The following TBCD variants were observed in gnomAD, a reference collection of about 807,000 sequenced individuals.
TBCD encodes the protein tubulin folding cofactor D.
Under a neutral mutation model 169.3 loss-of-function variants are expected in TBCD, and 105 were observed. The ratio of observed to expected loss-of-function variants is 0.62; its 90% CI spans 0.53 to 0.73. The LOEUF is 0.73. TBCD is among the 30% of genes least tolerant of loss of function. The probability of loss-of-function intolerance (pLI) is 0.00; values close to 1 mark genes in which losing one functional copy is unlikely to be tolerated. For synonymous variants in TBCD, 700 were observed against 643.9 expected, an observed-to-expected ratio of 1.09 and a Z score of -1.32; for missense variants, 1,444 against 1,600.1, an observed-to-expected ratio of 0.90 and a Z score of 1.66.
chr17:82,770,185 C>T (rs141717005), intron 5 of TBCD, among the ~76,000 whole-genome samples: 37 of 152,290 alleles, frequency 2.4e-4, no homozygotes, highest in African/African-American at 7.7e-4. Context: ...TAGTGTCTTA[C>T]GATGTCAGAA....
chr17:82,813,920 C>G (rs2051656228), intron 12 of TBCD, among the ~76,000 whole-genome samples: 2 of 152,182 alleles, frequency 1.3e-5, no homozygotes, highest in South Asian at 2.1e-4. Context: ...ACTGGGCGGA[C>G]AGGCACTCTC....
intron 13 of TBCD, among the ~76,000 whole-genome samples, chr17:82,815,302 G>A (rs752501662): frequency 2.6e-4 from 40 of 152,322 alleles, no homozygotes; most frequent in Admixed American, 3.9e-4. Context: ...CCCCAAAACC[G>A]GTTTTCATTC....
chr17:82,790,065 C>T (rs1489480579), intron 7 of TBCD, among the ~76,000 whole-genome samples: 1 of 152,178 alleles, frequency 6.6e-6, no homozygotes, highest in African/African-American at 2.4e-5. Context: ...GCGCCGCCAC[C>T]CTGTCCTGGG....
intron 30 of TBCD, among the ~76,000 whole-genome samples, chr17:82,928,845 A>G (rs574223221): frequency 6.2e-4 from 95 of 152,194 alleles, no homozygotes; most frequent in African/African-American, 2.0e-3. Flanking sequence ...GCACGCATGT[A>G]ACACGTAGCA....
chr17:82,830,575 G>A (rs1004024032), intron 13 of TBCD: 2 of 1,613,962 alleles, frequency 1.2e-6, no homozygotes, highest in Non-Finnish European at 1.7e-6. Flanking sequence ...CTGTGGAACA[G>A]CAGCAGCAGG....
rs1267195263 is a variant in TBCD, at chr17:82,781,640, CTG to C, written c.691_692del (p.Trp231GlufsTer31). Reference sequence around the variant, plus strand: ...AAAGCAAGATGGCTGAGTTCCTGGACTGGAGCCTGTGCAATCTGGCCCGTTCC... The same window carrying C: ...AAAGCAAGATGGCTGAGTTCCTGGACGAGCCTGTGCAATCTGGCCCGTTCC... Reference protein sequence around the residue: ...KQSKMAEFLDWSLCNLARSSF... With the variant: ...KQSKMAEFLDXSLCNLARSSF... On this transcript the variant is annotated frameshift_variant, in exon 7 of 39. Coordinates refer to ENST00000355528, the MANE Select transcript of TBCD (RefSeq NM_005993.5). LOFTEE classifies it high-confidence loss of function. 1 of 1,613,878 alleles carries C rather than the reference CTG, an allele frequency of 6.2e-7. No homozygotes were observed. Among genetic ancestry groups the C allele is most frequent in the Admixed American group, 1.7e-5 (1 of 60,014 alleles).
Position 82,923,733 on chromosome 17 carries a change from G to A in TBCD, c.2260G>A (p.Glu754Lys). 2 of 1,595,386 alleles carry A rather than the reference G, an allele frequency of 1.3e-6. No homozygotes were observed. Among genetic ancestry groups the A allele is most frequent in the Non-Finnish European group, 1.7e-6 (2 of 1,171,322 alleles). Reference protein sequence around the residue: ...EPGEADPAIQEELITQYLAEL... With the variant: ...EPGEADPAIQKELITQYLAEL... ...GGGGGAGGCAGATCCCGCAATTCAG[G>A]GTGAGTGGGGAGCCCTTTTCTTGAA... Residue 754 changes from glutamate to lysine, a missense_variant and splice_region_variant, in exon 26 of 39, where the codon GAG becomes AAG. By Grantham distance (56) the Glu-to-Lys change is moderately conservative. Coordinates refer to ENST00000355528, the MANE Select transcript of TBCD (RefSeq NM_005993.5). The surrounding 1 kb of genome is among the most constrained non-coding windows in gnomAD (Gnocchi z 4.6).
In TBCD at chr17:82,893,636, AGTCTTTAAT is replaced by A; in HGVS notation, c.1649+7_1649+15del. On this transcript the variant is annotated splice_donor_5th_base_variant and intron_variant, in intron 17 of 38. Coordinates refer to ENST00000355528, the MANE Select transcript of TBCD (RefSeq NM_005993.5). ...CCAACTGTTTCCTGGTTATAAGGTA[AGTCTTTAAT>A]GTATATCACAAAAATAGAATACTCT... The A allele has an allele frequency of 1.3e-6, 2 of 1,594,554 alleles. No individual in the cohort carries two copies. Among genetic ancestry groups the A allele is most frequent in the Non-Finnish European group, 1.7e-6 (2 of 1,168,052 alleles).
At chr17:82,885,246 T>C (rs1379030033) in intron 15 of TBCD, among the ~76,000 whole-genome samples, 1 of 152,066 alleles carries the variant, frequency 6.6e-6, no homozygotes, top group Non-Finnish European at 1.5e-5. Flanking sequence ...TGGTTTCCTG[T>C]CAGCCCTGCA....
At chr17:82,918,998 G>A (rs2061248769) in intron 23 of TBCD, among the ~76,000 whole-genome samples, 2 of 152,152 alleles carry the variant, frequency 1.3e-5, no homozygotes, top group South Asian at 2.1e-4. Context: ...AATAACTTAC[G>A]CATAAAAACT....
intron 13 of TBCD, among the ~76,000 whole-genome samples, chr17:82,816,792 C>T (rs2051947765): frequency 6.6e-6 from 1 of 150,792 alleles, no homozygotes; most frequent in Non-Finnish European, 1.5e-5. Flanking sequence ...CCCGCCTTGG[C>T]CTCCCAGAGT....
chr17:82,814,788 G>T, intron 12 of TBCD, 52 bp from the exon 13 acceptor site: 2 of 1,590,094 alleles, frequency 1.3e-6, no homozygotes, highest in South Asian at 2.2e-5. Flanking sequence ...TGTGGGCTTT[G>T]AACCAAAAGC....
chr17:82,800,654 C>T (rs2050445000), intron 8 of TBCD, among the ~76,000 whole-genome samples: 1 of 152,164 alleles, frequency 6.6e-6, no homozygotes, highest in Non-Finnish European at 1.5e-5. Flanking sequence ...ACTTGCTCTC[C>T]TGACCTCCAC....
At position 82,942,586 on chromosome 17, in the gene TBCD, G is replaced by T; in HGVS notation, c.*123G>T. 1 of 1,367,132 alleles carries T rather than the reference G, an allele frequency of 7.3e-7. No individual in the cohort carries two copies. The highest frequency in any genetic ancestry group is 2.0e-5 in the Admixed American group (1 of 51,044). 84.7% of individuals were successfully genotyped at this position (1,367,132 alleles called of 1,614,324 possible). A position where few individuals can be genotyped will look rare whatever the true frequency, so the allele number is the denominator to read the frequency against. On this transcript the variant is annotated 3_prime_UTR_variant, in exon 39 of 39. Coordinates refer to ENST00000355528, the MANE Select transcript of TBCD (RefSeq NM_005993.5). ...CTGTTGAAGGGTAGCGCTGGCCCTTGGAGGCTGGCACTAGCTGACAGCTTT... is the reference window on the plus strand; with the variant it reads ...CTGTTGAAGGGTAGCGCTGGCCCTTTGAGGCTGGCACTAGCTGACAGCTTT...
At chr17:82,936,594 C>T (rs1334310423) in intron 34 of TBCD, among the ~76,000 whole-genome samples, 2 of 152,196 alleles carry the variant, frequency 1.3e-5, no homozygotes. Context: ...CCTTAGTTTG[C>T]CTTTTCTGGG....
In TBCD at chr17:82,890,513, T is replaced by C. The variant is rs1285365072; in HGVS notation, c.1563+816T>C. ...TCCAGGCAAGGTGTCTGACCTGGAG[T>C]GGAAGCATTGAGGCCAAATGAGTCC... On this transcript the variant is annotated intron_variant, in intron 16 of 38. Coordinates refer to ENST00000355528, the MANE Select transcript of TBCD (RefSeq NM_005993.5). The surrounding 1 kb of genome is among the most constrained non-coding windows in gnomAD (Gnocchi z 5.3). 6.6e-6 allele frequency among the ~76,000 whole-genome samples: 1 copy of C among 151,592 alleles called. No homozygotes were observed. The highest frequency in any genetic ancestry group is 1.9e-4 in the East Asian group (1 of 5,140).
rs529182644 is a variant in TBCD at position 82,944,830 on chromosome 17, G to A, written c.*2367G>A. The A allele has an allele frequency of 1.3e-5, 2 of 152,334 alleles. No homozygotes were observed. Among genetic ancestry groups the A allele is most frequent in the South Asian group, 4.1e-4 (2 of 4,826 alleles). 9.4% of individuals were successfully genotyped at this position (152,334 alleles called of 1,614,324 possible). A position where few individuals can be genotyped will look rare whatever the true frequency, so the allele number is the denominator to read the frequency against. ...GCTATTTTGATAGCAGAATGGATGA[G>A]AGAATTTAAGGCCCAGGGCCAGATC... On this transcript the variant is annotated 3_prime_UTR_variant, in exon 39 of 39. Transcript: ENST00000355528.
In TBCD at chr17:82,768,592, G is replaced by A. The variant is rs1598410792; in HGVS notation, c.582+26G>A. The A allele has an allele frequency of 3.1e-6, 5 of 1,610,528 alleles. No homozygotes were observed. The African/African-American group carries it at 5.3e-5, about 17-fold the overall frequency. ...GTAAATATCATGCAGATAATTAGCT[G>A]CTAATTAGTACTCACTTTCATGTTC... On this transcript the variant is annotated intron_variant, in intron 5 of 38. Transcript: ENST00000355528.
In TBCD at chr17:82,929,171, C is replaced by T. The variant is rs1422765982; in HGVS notation, c.2752C>T (p.Arg918Cys). 3.1e-6 allele frequency: 5 copies of T among 1,613,590 alleles called. No individual in the cohort carries two copies. Among genetic ancestry groups the T allele is most frequent in the Admixed American group, 1.7e-5 (1 of 60,020 alleles). Residue 918 changes from arginine to cysteine, a missense_variant, in exon 31 of 39, where the codon CGT (arginine) becomes TGT (cysteine). Transcript: ENST00000355528. ...GGCCAGTGAGAAGATTGACCGTTTC[C>T]GTGCTCACGCCGCCAGCGTGTTCCT... ...QQASEKIDRFRAHAASVFLTL... is the reference protein window; with the variant it reads ...QQASEKIDRFCAHAASVFLTL...
Sources: gnomAD v4.1 joint callset for allele counts (sites outside exome capture counted in the v4.1 genomes callset) on GRCh38, gnomAD v4.1.1 for gene constraint, Gnocchi (gnomAD v3.1) non-coding constraint, MANE v1.5 for transcripts, NCBI Gene and HGNC (gene_info 2026-07-23, HGNC 2026-07-21) for gene names.